COL18A1: variants seen among roughly 807,000 people sequenced by gnomAD.
COL18A1 encodes collagen alpha-1(XVIII) chain.
A neutral mutation model predicts 168.0 loss-of-function variants in COL18A1; 133 were observed. That is an observed-to-expected ratio of 0.79 (90% CI 0.69 to 0.91). The LOEUF (loss-of-function observed/expected upper bound fraction) is 0.91, where lower values mean the gene tolerates loss of function less well. COL18A1 is among the 40% of genes least tolerant of loss of function. The pLI, the probability that COL18A1 is intolerant of heterozygous loss-of-function variation, is 0.00. For synonymous variants in COL18A1, 949 were observed against 809.0 expected (o/e 1.17, Z -2.94); for missense variants, 2,126 against 1,925.4 (o/e 1.10, Z -1.95).
At chr21:45,427,371 C>T (rs79677109) in intron 2 of COL18A1, among the ~76,000 whole-genome samples, 6,134 of 152,300 alleles carry the variant, frequency 0.04, 156 homozygotes, top group East Asian at 0.093. Flanking sequence ...GATGTGGCCC[C>T]TAGTAACTCA....
At chr21:45,455,501 G>GCCGC (rs748462347) in intron 2 of COL18A1, 1 of 1,609,622 alleles carries the variant, frequency 6.2e-7, no homozygotes, top group Non-Finnish European at 8.5e-7. Context: ...AGGCCCTCCC[G>GCCGC]CCGCCCGCAG....
chr21:45,504,180 G>A, intron 33 of COL18A1, 126 bp downstream of exon 33: 4 of 1,150,580 alleles, frequency 3.5e-6, no homozygotes, highest in Admixed American at 3.7e-5. Context: ...AGGGGCGCTG[G>A]CTCCAGAGGG....
chr21:45,453,119 TG>T (rs1269294685), intron 2 of COL18A1, among the ~76,000 whole-genome samples: 6 of 152,030 alleles, frequency 3.9e-5, no homozygotes, highest in Admixed American at 6.5e-5. Context: ...TATGTATGTG[TG>T]TGGGCTTGTG....
rs1338231171 is a variant in COL18A1 at position 45,430,619 on chromosome 21, T to G, written c.106+25146T>G. Among the ~76,000 whole-genome samples, 3 of 152,104 alleles carry G rather than the reference T, an allele frequency of 2.0e-5. No homozygotes were observed. The East Asian group carries it at 5.8e-4, about 29-fold the overall frequency. On this transcript the variant is annotated intron_variant, in intron 2 of 41. Transcript: ENST00000651438. Reference sequence around the variant, plus strand: ...TACAAAGGCTGATGGAGCGCGTGGGTGGCTGCCTAAGTCTCTGGAAGCCCA... The same window carrying G: ...TACAAAGGCTGATGGAGCGCGTGGGGGGCTGCCTAAGTCTCTGGAAGCCCA...
Position 45,478,307 on chromosome 21 carries a change from G to A in COL18A1, c.1222-20G>A, listed in dbSNP as rs372065560. The A allele has an allele frequency of 6.2e-7, 1 of 1,613,986 alleles. No individual in the cohort carries two copies. Among genetic ancestry groups the A allele is most frequent in the East Asian group, 2.2e-5 (1 of 44,832 alleles). On this transcript the variant is annotated intron_variant, in intron 8 of 41. Transcript: ENST00000651438. ...GGAGGAGTCATTTCCCATCACTAAT[G>A]GCTTCTCTTGCACACCCAGGGCGAC... is the stretch of plus-strand genomic sequence containing the variant.
chr21:45,479,146 ATG>A (rs66613318), intron 9 of COL18A1, among the ~76,000 whole-genome samples: 29,580 of 151,846 alleles, frequency 0.19, 3,013 homozygotes, highest in Middle Eastern at 0.26. Flanking sequence ...ATGTATGTGC[ATG>A]TGTTTGAGTG....
At chr21:45,477,575 C>T in intron 7 of COL18A1, 88 bp downstream of exon 7, 1 of 1,352,718 alleles carries the variant, frequency 7.4e-7, no homozygotes, top group Non-Finnish European at 1.0e-6. Flanking sequence ...CCTGATGAAG[C>T]CCCTCTGTGC....
intron 2 of COL18A1, chr21:45,455,363 T>A (rs1388600252): frequency 1.1e-6 from 1 of 940,898 alleles, no homozygotes; most frequent in African/African-American, 1.6e-5. Flanking sequence ...GGCACCTTGA[T>A]TCCAAGGCTG....
At chr21:45,503,864 C>T in intron 32 of COL18A1, 147 bp from the exon 33 acceptor site, 1 of 659,084 alleles carries the variant, frequency 1.5e-6, no homozygotes, top group South Asian at 2.0e-5. Flanking sequence ...TATCGGTTAA[C>T]TAGGAAGAAC....
chr21:45,494,389 C>G, intron 26 of COL18A1, 156 bp from the exon 27 acceptor site: 1 of 1,033,138 alleles, frequency 9.7e-7, no homozygotes, highest in South Asian at 1.3e-5. Flanking sequence ...GGGGACGGCC[C>G]AGTGCACCCA....
chr21:45,445,086 C>T (rs1163878413), intron 2 of COL18A1, among the ~76,000 whole-genome samples: 3 of 152,202 alleles, frequency 2.0e-5, no homozygotes, highest in Admixed American at 6.5e-5. Context: ...GACCGTGGAA[C>T]ATTTCATCAC....
At chr21:45,405,533 C>A in intron 2 of COL18A1, 60 bp downstream of exon 2, 1 of 1,081,816 alleles carries the variant, frequency 9.2e-7, no homozygotes, top group Non-Finnish European at 1.2e-6. Flanking sequence ...GCCGCCCTGG[C>A]TGGGGTCCCC....
intron 37 of COL18A1, chr21:45,506,713 C>T (rs1185744931): frequency 1.2e-5 from 2 of 162,722 alleles, no homozygotes; most frequent in Non-Finnish European, 1.4e-5. Flanking sequence ...TCCTGGAGCC[C>T]TCCCACCTTC....
intron 18 of COL18A1, 146 bp downstream of exon 18, chr21:45,488,590 C>T: frequency 6.0e-6 from 7 of 1,158,012 alleles, no homozygotes; most frequent in Admixed American, 2.0e-5. Context: ...CAAAATACAG[C>T]AAAAAAGCCT....
chr21:45,452,850 T>C (rs1357829370), intron 2 of COL18A1, among the ~76,000 whole-genome samples: 1 of 129,516 alleles, frequency 7.7e-6, no homozygotes, highest in Admixed American at 7.6e-5. Context: ...AACATGTATG[T>C]ATGTGTGGGG....
chr21:45,478,205 T>C (rs2035751481), intron 8 of COL18A1, 122 bp from the exon 9 acceptor site: 2 of 1,337,464 alleles, frequency 1.5e-6, no homozygotes, highest in African/African-American at 2.9e-5. Flanking sequence ...TGCGAGGACA[T>C]CGGGGGAAGG....
At chr21:45,439,281 C>T (rs530059153) in intron 2 of COL18A1, among the ~76,000 whole-genome samples, 17 of 152,350 alleles carry the variant, frequency 1.1e-4, no homozygotes, top group African/African-American at 4.1e-4. Context: ...CCCGAGTGGC[C>T]GTGGTCCAGG....
intron 2 of COL18A1, among the ~76,000 whole-genome samples, chr21:45,446,173 T>A (rs1039910772): frequency 1.3e-5 from 2 of 152,222 alleles, no homozygotes; most frequent in African/African-American, 4.8e-5. Context: ...CAGCACCGTT[T>A]GTTGAAGGCT....
In COL18A1 at chr21:45,509,806, G is replaced by C. The variant is rs2838951; in HGVS notation, c.3495+205G>C. On this transcript the variant is annotated intron_variant, in intron 39 of 41. Coordinates refer to ENST00000651438, the MANE Select transcript of COL18A1 (RefSeq NM_001379500.1). ...AAGCAGTGGTCATGAAAGTCCAGCCGCTGTCACATCCTTGAGGAACCGGCG... is the reference window on the plus strand; with the variant it reads ...AAGCAGTGGTCATGAAAGTCCAGCCCCTGTCACATCCTTGAGGAACCGGCG... 0.63 allele frequency among the ~76,000 whole-genome samples: 94,708 copies of C among 151,126 alleles called. 29,845 individuals are homozygous for C. Among genetic ancestry groups the C allele is most frequent in the African/African-American group, 0.74 (29,998 of 40,596 alleles).
Sources: gnomAD v4.1 joint callset for allele counts (sites outside exome capture counted in the v4.1 genomes callset) on GRCh38, gnomAD v4.1.1 for gene constraint, MANE v1.5 for transcripts, NCBI Gene and HGNC (gene_info 2026-07-23, HGNC 2026-07-21) for gene names.